The following NPHP4 variants were observed in gnomAD, a reference collection of about 807,000 sequenced individuals.
NPHP4 encodes the protein nephrocystin 4.
Under a neutral mutation model 155.8 loss-of-function variants are expected in NPHP4, and 151 were observed. The observed-to-expected ratio is 0.97, with a 90% CI of 0.85 to 1.11. The LOEUF (loss-of-function observed/expected upper bound fraction) is 1.11, where lower values mean the gene tolerates loss of function less well. NPHP4 is among the 50% of genes least tolerant of loss of function. NPHP4 has a pLI of 0.00. For missense variants in NPHP4, 1,956 were observed against 1,925.7 expected (o/e 1.02, Z -0.29); for synonymous variants, 845 against 816.8 (o/e 1.03, Z -0.59).
intron 9 of NPHP4, 72 bp from the exon 10 acceptor site, chr1:5,933,401 G>T (rs1295858233): frequency 1.1e-5 from 13 of 1,237,680 alleles, no homozygotes; most frequent in Non-Finnish European, 1.4e-5. Context: ...AATCAACAGT[G>T]CTTTCATGTG....
At chr1:5,886,155 A>T (rs886698126) in intron 18 of NPHP4, among the ~76,000 whole-genome samples, 3 of 152,246 alleles carry the variant, frequency 2.0e-5, no homozygotes, top group Non-Finnish European at 4.4e-5. Flanking sequence ...CGCTTCTTGC[A>T]ACTCCCTTAG....
Position 5,904,622 on chromosome 1 carries a change from T to A in NPHP4, c.2138A>T (p.Asp713Val). The A allele has an allele frequency of 6.2e-7, 1 of 1,606,438 alleles. No individual in the cohort carries two copies. The highest frequency in any genetic ancestry group is 8.5e-7 in the Non-Finnish European group (1 of 1,174,648). Reference protein sequence around the residue: ...LVPVSRDGTFDAGSPGFQLRY... With the variant: ...LVPVSRDGTFVAGSPGFQLRY... Reference sequence around the variant, plus strand: ...CCATGCACATGAGTACTCACCAGCATCAAAGGTGCCATCTCTGCTCACAGG... The same window carrying A: ...CCATGCACATGAGTACTCACCAGCAACAAAGGTGCCATCTCTGCTCACAGG... Residue 713 changes from aspartate to valine, a missense_variant, in exon 16 of 30, where the codon GAT (aspartate) becomes GTT (valine). Physicochemically the swap from Asp to Val is radical, Grantham distance 152. Coordinates refer to ENST00000378156, the MANE Select transcript of NPHP4 (RefSeq NM_015102.5).
At chr1:5,981,162 C>T (rs1654622983) in intron 2 of NPHP4, among the ~76,000 whole-genome samples, 1 of 152,224 alleles carries the variant, frequency 6.6e-6, no homozygotes, top group South Asian at 2.1e-4. Context: ...CCGCCACCTC[C>T]TCCTCCTCCT....
At position 5,904,824 on chromosome 1, in the gene NPHP4, T is replaced by TG; in HGVS notation, c.1956-21dup. 1 of 1,611,494 alleles carries TG rather than the reference T, an allele frequency of 6.2e-7. No homozygotes were observed. Among genetic ancestry groups the TG allele is most frequent in the Non-Finnish European group, 8.5e-7 (1 of 1,177,674 alleles). ...GCCACTCTGAATCCAACAACAGCTC[T>TG]GGGTTAACTGAGTATCCATGGCACA... On this transcript the variant is annotated intron_variant, in intron 15 of 29. Transcript: ENST00000378156.
chr1:5,984,791 T>C lies in NPHP4; in HGVS notation c.135+1364A>G, dbSNP rs535495427. Among the ~76,000 whole-genome samples the C allele has an allele frequency of 1.3e-4, 20 of 152,110 alleles. No homozygotes were observed. The South Asian group carries it at 2.5e-3, about 19-fold the overall frequency. The stretch of plus-strand genomic sequence containing the variant: ...ATAAAAATAAAATGAAATGGGGAAA[T>C]AAAATTTCCTTTGCAAAACTCCTAG... On this transcript the variant is annotated intron_variant, in intron 2 of 29. Coordinates refer to ENST00000378156, the MANE Select transcript of NPHP4 (RefSeq NM_015102.5).
intron 9 of NPHP4, among the ~76,000 whole-genome samples, chr1:5,939,915 A>G (rs1279189149): frequency 6.6e-6 from 1 of 152,094 alleles, no homozygotes; most frequent in Non-Finnish European, 1.5e-5. Flanking sequence ...CCCCACCAGG[A>G]CCCCAGGGCA....
At chr1:5,915,735 G>C (rs1200792017) in intron 11 of NPHP4, among the ~76,000 whole-genome samples, 1 of 152,168 alleles carries the variant, frequency 6.6e-6, no homozygotes, top group Non-Finnish European at 1.5e-5. Flanking sequence ...AGTTTCAGAA[G>C]TGTCACCTCC....
Position 5,892,697 on chromosome 1 carries a change from C to T in NPHP4, c.2144-1669G>A, listed in dbSNP as rs1267122991. Reference sequence around the variant, plus strand: ...CTCTCCCCACTGCAGCCTCAGACCTCTCCCCTCCCTGTCCAGCTGAGACAA... The same window carrying T: ...CTCTCCCCACTGCAGCCTCAGACCTTTCCCCTCCCTGTCCAGCTGAGACAA... On this transcript the variant is annotated intron_variant, in intron 16 of 29. Transcript: ENST00000378156. This position sits in a 1 kb window ranked among gnomAD's most constrained non-coding sequence, Gnocchi z 4.5. Among the ~76,000 whole-genome samples the T allele has an allele frequency of 2.0e-5, 3 of 152,140 alleles. No individual in the cohort carries two copies. Among genetic ancestry groups the T allele is most frequent in the African/African-American group, 7.2e-5 (3 of 41,480 alleles).
chr1:5,941,011 C>T (rs1368371948), intron 9 of NPHP4, among the ~76,000 whole-genome samples: 1 of 152,006 alleles, frequency 6.6e-6, no homozygotes, highest in African/African-American at 2.4e-5. Context: ...AAAAGAAGAA[C>T]CATAAAGCTG....
At chr1:5,871,936 A>G (rs1414201661) in intron 23 of NPHP4, among the ~76,000 whole-genome samples, 1 of 152,238 alleles carries the variant, frequency 6.6e-6, no homozygotes, top group Non-Finnish European at 1.5e-5. Context: ...TTATGGGTAA[A>G]CTAACACAGT....
chr1:5,953,053 C>G (rs1183262763), intron 6 of NPHP4, among the ~76,000 whole-genome samples: 4 of 152,220 alleles, frequency 2.6e-5, no homozygotes, highest in Non-Finnish European at 5.9e-5. Context: ...AAACCTCCTC[C>G]AGGAACAGTT....
chr1:5,923,610 C>T (rs1645855633), intron 11 of NPHP4, among the ~76,000 whole-genome samples: 1 of 152,234 alleles, frequency 6.6e-6, no homozygotes, highest in South Asian at 2.1e-4. Flanking sequence ...AGCGCTGTTC[C>T]CTCCAGCCAC....
At chr1:5,978,164 G>A (rs866784626) in intron 3 of NPHP4, 106 bp downstream of exon 3, 26 of 1,040,108 alleles carry the variant, frequency 2.5e-5, no homozygotes, top group Middle Eastern at 3.0e-4. Flanking sequence ...TCTGAGACGC[G>A]CTGTGAGGTC....
chr1:5,912,809 T>G (rs1297073068), intron 11 of NPHP4, among the ~76,000 whole-genome samples: 5 of 152,086 alleles, frequency 3.3e-5, no homozygotes, highest in African/African-American at 1.2e-4. Flanking sequence ...CATGACCAGG[T>G]GCCTCTCCCA....
At position 5,867,701 on chromosome 1, in the gene NPHP4, C is replaced by T. The variant is rs886477223; in HGVS notation, c.3472+39G>A. 1 of 1,599,480 alleles carries T rather than the reference C, an allele frequency of 6.3e-7. No homozygotes were observed. ...GAGGTATCTACTTCCAACAGGTGAG[C>T]CTGCAACATGTGGGCTGCAGGGTCA... On this transcript the variant is annotated intron_variant, in intron 24 of 29. Transcript: ENST00000378156. The surrounding 1 kb of genome is among the most constrained non-coding windows in gnomAD (Gnocchi z 4.1).
chr1:5,989,348 T>C (rs576945283), intron 1 of NPHP4, among the ~76,000 whole-genome samples: 3 of 152,326 alleles, frequency 2.0e-5, no homozygotes, highest in Non-Finnish European at 2.9e-5. Context: ...CCACGACTTA[T>C]AAGCAGAAGA....
In NPHP4 at chr1:5,862,997, T is replaced by C; in HGVS notation, c.*268A>G. The stretch of plus-strand genomic sequence containing the variant: ...AGCGATAACGAGGGTCCCACATGCG[T>C]AGATGGCAGCACCAGAGCCAGACCC... On this transcript the variant is annotated 3_prime_UTR_variant, in exon 30 of 30. Coordinates refer to ENST00000378156, the MANE Select transcript of NPHP4 (RefSeq NM_015102.5). 4 of 525,000 alleles carry C rather than the reference T, an allele frequency of 7.6e-6. No homozygotes were observed. Among genetic ancestry groups the C allele is most frequent in the Non-Finnish European group, 1.4e-5 (4 of 291,678 alleles). The allele number at this position is 525,000 out of a possible 1,614,324, so 32.5% of individuals were successfully genotyped here. A position where few individuals can be genotyped will look rare whatever the true frequency, so the allele number is the denominator to read the frequency against.
intron 16 of NPHP4, among the ~76,000 whole-genome samples, chr1:5,899,871 G>C (rs1371887937): frequency 6.6e-6 from 1 of 152,192 alleles, no homozygotes; most frequent in South Asian, 2.1e-4. Context: ...TAAAGGACTT[G>C]CATCCAAAAT....
At chr1:5,873,377 C>A (rs572202598) in intron 22 of NPHP4, 42 bp from the exon 23 acceptor site, 4 of 1,515,616 alleles carry the variant, frequency 2.6e-6, no homozygotes, top group Admixed American at 1.7e-5. Context: ...GAAGCAACAC[C>A]ATTAGGCGAC....
Sources: allele counts gnomAD v4.1 joint callset (sites outside exome capture counted in the v4.1 genomes callset), GRCh38; gene constraint gnomAD v4.1.1; non-coding constraint Gnocchi (gnomAD v3.1); transcripts MANE v1.5; gene names NCBI Gene and HGNC (gene_info 2026-07-23, HGNC 2026-07-21).